The following TMEM52B variants were observed in gnomAD, a reference collection of about 807,000 sequenced individuals.
The protein encoded by TMEM52B is chromosome 12 open reading frame 59.
A neutral mutation model predicts 16.1 loss-of-function variants in TMEM52B; 11 were observed. The ratio of observed to expected loss-of-function variants is 0.68; its 90% CI spans 0.43 to 1.13. The LOEUF is 1.13. Among genes scored for constraint, TMEM52B ranks in the 50% most tolerant of loss-of-function variants. The probability of loss-of-function intolerance (pLI) is 0.00; values close to 1 mark genes in which losing one functional copy is unlikely to be tolerated. For missense variants in TMEM52B, 243 were observed against 230.4 expected, an observed-to-expected ratio of 1.05 and a Z score of -0.35; for synonymous variants, 101 against 93.8, an observed-to-expected ratio of 1.08 and a Z score of -0.45.
intron 1 of TMEM52B, chr12:10,172,398 A>C: frequency 4.8e-6 from 1 of 206,260 alleles, no homozygotes. Context: ...TCAGAGACAG[A>C]AACTGAAATT....
chr12:10,185,590 C>T (rs367931481), intron 3 of TMEM52B, among the ~76,000 whole-genome samples: 11 of 152,102 alleles, frequency 7.2e-5, no homozygotes, highest in Non-Finnish European at 1.5e-4. Context: ...AATATCTCAA[C>T]GAAGATTACT....
chr12:10,177,148 A>C (rs979761538), upstream of TMEM52B, among the ~76,000 whole-genome samples: 2 of 152,194 alleles, frequency 1.3e-5, no homozygotes, highest in African/African-American at 4.8e-5. Context: ...GGCCACCTAA[A>C]GCCCTGCTCT....
Position 10,180,525 on chromosome 12 carries a change from C to T in TMEM52B, c.54+897C>T, listed in dbSNP as rs142209025. Among the ~76,000 whole-genome samples the T allele has an allele frequency of 7.6e-3, 1,150 of 152,252 alleles. 7 individuals are homozygous for T. The highest frequency in any genetic ancestry group is 0.011 in the Admixed American group (172 of 15,288). ...GTAGAGGAAACACACGCTTTTTCAT[C>T]GTTAGTGGCCATTTCTTTCCAATGA... On this transcript the variant is annotated intron_variant, in intron 1 of 4. Transcript: ENST00000543484.
At chr12:10,182,642 C>T in intron 2 of TMEM52B, 49 bp downstream of exon 2, 1 of 1,514,634 alleles carries the variant, frequency 6.6e-7, no homozygotes, top group Admixed American at 2.1e-5. Flanking sequence ...ACCAAAACAT[C>T]ACTACCCCAA....
At chr12:10,174,258 T>C (rs1948750000), upstream of TMEM52B, among the ~76,000 whole-genome samples, 1 of 152,070 alleles carries the variant, frequency 6.6e-6, no homozygotes, top group African/African-American at 2.4e-5. Flanking sequence ...AGACAGGGTT[T>C]CACCATGTTG....
At chr12:10,177,804 A>C (rs1948778326), upstream of TMEM52B, among the ~76,000 whole-genome samples, 1 of 81,930 alleles carries the variant, frequency 1.2e-5, no homozygotes, top group South Asian at 3.2e-4. Context: ...TAATAATAAT[A>C]ATAATAATAA....
chr12:10,186,674 C>A lies in TMEM52B; in HGVS notation c.307+85C>A, dbSNP rs368723957. The A allele has an allele frequency of 9.2e-6, 12 of 1,304,752 alleles. No individual in the cohort carries two copies. The South Asian group carries it at 1.9e-4, about 20-fold the overall frequency. The allele number at this position is 1,304,752 out of a possible 1,614,324, so 80.8% of individuals were successfully genotyped here. Reference sequence around the variant, plus strand: ...GGTGCAAAGGTGTAGAACCACTGATCGAGTAATATTAAAGATTCCAGGACT... The same window carrying A: ...GGTGCAAAGGTGTAGAACCACTGATAGAGTAATATTAAAGATTCCAGGACT... On this transcript the variant is annotated intron_variant, in intron 4 of 4. Coordinates refer to ENST00000543484, the MANE Select transcript of TMEM52B (RefSeq NM_001384896.1).
chr12:10,177,741 G>T (rs1409946837), upstream of TMEM52B, among the ~76,000 whole-genome samples: 10 of 148,204 alleles, frequency 6.7e-5, no homozygotes, highest in African/African-American at 2.5e-4. Flanking sequence ...CTGCCCTCCA[G>T]CCTGGTGACA....
chr12:10,186,488 G>A lies in TMEM52B; in HGVS notation c.206G>A (p.Cys69Tyr), dbSNP rs776874586. The change falls in exon 4 of 5, where the codon TGT becomes TAT. Residue 69 changes from cysteine (C) to tyrosine (Y), a missense_variant. Coordinates refer to ENST00000543484, the MANE Select transcript of TMEM52B (RefSeq NM_001384896.1). ...ACGTCCCTGTGCTTCCGCTGCTGCT[G>A]TCTGAGCCGCCAGCAAAATGGGGAA... is the stretch of plus-strand genomic sequence containing the variant. ...GLTSLCFRCCCLSRQQNGEDG... is the reference protein window; with the variant it reads ...GLTSLCFRCCYLSRQQNGEDG... 3 of 1,612,186 alleles carry A rather than the reference G, an allele frequency of 1.9e-6. No individual in the cohort carries two copies. The East Asian group carries it at 6.7e-5, about 36-fold the overall frequency.
chr12:10,174,082 T>C (rs1316299911), upstream of TMEM52B, among the ~76,000 whole-genome samples: 2 of 148,862 alleles, frequency 1.3e-5, no homozygotes, highest in African/African-American at 5.0e-5. Flanking sequence ...GTTTTTGAGA[T>C]GGAGTTTCAC....
At chr12:10,178,829 CT>C (rs1948790852), upstream of TMEM52B, among the ~76,000 whole-genome samples, 1 of 152,204 alleles carries the variant, frequency 6.6e-6, no homozygotes, top group Non-Finnish European at 1.5e-5. Flanking sequence ...AAATTCTAAT[CT>C]TCCGACTTGA....
upstream of TMEM52B, among the ~76,000 whole-genome samples, chr12:10,176,136 C>T (rs1350013751): frequency 6.6e-6 from 1 of 152,186 alleles, no homozygotes; most frequent in African/African-American, 2.4e-5. Context: ...CCTTCTGTAC[C>T]TGTCCAAAGT....
At chr12:10,173,763 TAA>T (rs5796383) in intron 1 of TMEM52B, among the ~76,000 whole-genome samples, 165 of 130,244 alleles carry the variant, frequency 1.3e-3, no homozygotes, top group East Asian at 1.7e-3. Flanking sequence ...AGACTCCCTT[TAA>T]AAAAAAAAAA....
upstream of TMEM52B, among the ~76,000 whole-genome samples, chr12:10,174,047 GT>G: frequency 8.2e-6 from 1 of 121,764 alleles, no homozygotes; most frequent in African/African-American, 3.9e-5. Context: ...AATTTCATGT[GT>G]TTTGTTTGTT....
rs951913464 is a variant in TMEM52B at position 10,179,532 on chromosome 12, G to A, written c.-43G>A. 13 of 1,609,234 alleles carry A rather than the reference G, an allele frequency of 8.1e-6. No individual in the cohort carries two copies. The highest frequency in any genetic ancestry group is 4.4e-5 in the South Asian group (4 of 90,986). On this transcript the variant is annotated 5_prime_UTR_variant, in exon 1 of 5. Transcript: ENST00000543484. Reference sequence around the variant, plus strand: ...GCACAGAGCATTGAAAGGAGGCAACGGATGCCCAGTGCAAGATTCTGAAGA... The same window carrying A: ...GCACAGAGCATTGAAAGGAGGCAACAGATGCCCAGTGCAAGATTCTGAAGA...
chr12:10,181,628 T>G (rs1003199157), intron 1 of TMEM52B, among the ~76,000 whole-genome samples: 65 of 151,556 alleles, frequency 4.3e-4, no homozygotes, highest in Non-Finnish European at 1.8e-4. Context: ...ACGCCTGGCC[T>G]GGTCACATTA....
chr12:10,171,144 C>A (rs1243451954), intron 1 of TMEM52B, among the ~76,000 whole-genome samples: 1 of 152,206 alleles, frequency 6.6e-6, no homozygotes, highest in African/African-American at 2.4e-5. Flanking sequence ...CAATTTAGTT[C>A]ATTGGCTCAA....
At chr12:10,176,345 G>A (rs910295959), upstream of TMEM52B, among the ~76,000 whole-genome samples, 1 of 152,142 alleles carries the variant, frequency 6.6e-6, no homozygotes, top group Non-Finnish European at 1.5e-5. Context: ...TCTAAGAAAG[G>A]AAAGTCACAA....
rs1365121777 is a variant in TMEM52B at position 10,179,424 on chromosome 12, G to A, written c.-151G>A. 1 of 779,940 alleles carries A rather than the reference G, an allele frequency of 1.3e-6. No individual in the cohort carries two copies. The highest frequency in any genetic ancestry group is 2.2e-6 in the Non-Finnish European group (1 of 451,214). 48.3% of individuals were successfully genotyped at this position (779,940 alleles called of 1,614,324 possible). On this transcript the variant is annotated 5_prime_UTR_variant, in exon 1 of 5. Transcript: ENST00000543484. Reference sequence around the variant, plus strand: ...CAGCCAGAGCGAGTAGGAGGAGACAGAGAGAACGAGAGAGAGAAAAGCTGA... The same window carrying A: ...CAGCCAGAGCGAGTAGGAGGAGACAAAGAGAACGAGAGAGAGAAAAGCTGA...
Sources: gnomAD v4.1 joint callset for allele counts (sites outside exome capture counted in the v4.1 genomes callset) on GRCh38, gnomAD v4.1.1 for gene constraint, MANE v1.5 for transcripts, NCBI Gene and HGNC (gene_info 2026-07-23, HGNC 2026-07-21) for gene names.